CAMK1D: variants seen among roughly 807,000 people sequenced by gnomAD.
The protein encoded by CAMK1D is calcium/calmodulin-dependent protein kinase type 1D.
A neutral mutation model predicts 47.7 loss-of-function variants in CAMK1D; 9 were observed. That is an observed-to-expected ratio of 0.19 (90% CI 0.11 to 0.33). The LOEUF (loss-of-function observed/expected upper bound fraction) is 0.33, where lower values mean the gene tolerates loss of function less well. Among genes scored for constraint, CAMK1D ranks in the 10% least tolerant of loss-of-function variants. The pLI is 1.00. For synonymous variants in CAMK1D, 184 were observed against 184.9 expected, an observed-to-expected ratio of 0.99 and a Z score of 0.04; for missense variants, 291 against 488.7, an observed-to-expected ratio of 0.60 and a Z score of 3.81.
chr10:12,636,205 C>T (rs1241536225), intron 2 of CAMK1D, among the ~76,000 whole-genome samples: 6 of 152,158 alleles, frequency 3.9e-5, no homozygotes, highest in African/African-American at 9.7e-5. Flanking sequence ...GTTTCTCTTG[C>T]TAGCAGGTAT....
intron 1 of CAMK1D, among the ~76,000 whole-genome samples, chr10:12,479,532 G>T (rs1451893458): frequency 6.6e-6 from 1 of 152,174 alleles, no homozygotes; most frequent in Non-Finnish European, 1.5e-5. Context: ...CAGCAGTGCT[G>T]CTGCTGCCGC....
rs141253691 is a variant in CAMK1D at position 12,827,921 on chromosome 10, C to A, written c.1040-848C>A. 6.6e-5 allele frequency among the ~76,000 whole-genome samples: 10 copies of A among 152,262 alleles called. No individual in the cohort carries two copies. The East Asian group carries it at 1.5e-3, about 24-fold the overall frequency. Reference sequence around the variant, plus strand: ...CTGGAACTCCTGAGACTCAAGCGATCCACCCACCTTGGCCTCCCAAAGTGT... The same window carrying A: ...CTGGAACTCCTGAGACTCAAGCGATACACCCACCTTGGCCTCCCAAAGTGT... On this transcript the variant is annotated intron_variant, in intron 10 of 10. Coordinates refer to ENST00000619168, the MANE Select transcript of CAMK1D (RefSeq NM_153498.4).
intron 2 of CAMK1D, among the ~76,000 whole-genome samples, chr10:12,596,118 G>C (rs933543368): frequency 6.6e-6 from 1 of 152,100 alleles, no homozygotes; most frequent in Non-Finnish European, 1.5e-5. Flanking sequence ...GACCCAAGAA[G>C]GGAAAGCAGG....
chr10:12,767,579 A>G (rs1836826332), intron 4 of CAMK1D, among the ~76,000 whole-genome samples: 1 of 152,172 alleles, frequency 6.6e-6, no homozygotes, highest in African/African-American at 2.4e-5. Context: ...TGGTCAGGGC[A>G]CAGCTTGGTT....
chr10:12,670,241 A>C (rs572143169), intron 3 of CAMK1D, among the ~76,000 whole-genome samples: 1 of 149,396 alleles, frequency 6.7e-6, no homozygotes, highest in South Asian at 2.1e-4. Context: ...GTGATATCAC[A>C]GGGTGGTTTT....
intron 6 of CAMK1D, among the ~76,000 whole-genome samples, chr10:12,792,662 T>G (rs1439347082): frequency 6.6e-6 from 1 of 152,234 alleles, no homozygotes; most frequent in Non-Finnish European, 1.5e-5. Context: ...TCAGCTGGGC[T>G]GCATTTGTAG....
intron 2 of CAMK1D, among the ~76,000 whole-genome samples, chr10:12,628,088 A>T (rs1839274804): frequency 7.3e-6 from 1 of 137,332 alleles, no homozygotes; most frequent in Non-Finnish European, 1.7e-5. Context: ...CTCAAAAAAA[A>T]ACAAAAAACA....
At chr10:12,734,385 G>GATATATAT (rs1446142372) in intron 3 of CAMK1D, among the ~76,000 whole-genome samples, 1 of 46,994 alleles carries the variant, frequency 2.1e-5, no homozygotes, top group South Asian at 7.6e-4. Flanking sequence ...TATAGATATA[G>GATATATAT]ATATAGATAT....
At chr10:12,461,307 G>T (rs1833414959) in intron 1 of CAMK1D, among the ~76,000 whole-genome samples, 1 of 152,188 alleles carries the variant, frequency 6.6e-6, no homozygotes, top group Non-Finnish European at 1.5e-5. Context: ...TAAGAATAGG[G>T]TAGCAAAAGT....
chr10:12,759,030 T>C (rs901393543), intron 3 of CAMK1D, among the ~76,000 whole-genome samples: 1 of 152,062 alleles, frequency 6.6e-6, no homozygotes, highest in South Asian at 2.1e-4. Context: ...CCAGGAAATG[T>C]TGAGTGAGTA....
At chr10:12,641,210 C>T (rs1839656002) in intron 2 of CAMK1D, among the ~76,000 whole-genome samples, 1 of 152,170 alleles carries the variant, frequency 6.6e-6, no homozygotes, top group South Asian at 2.1e-4. Context: ...GTCAGGTGAT[C>T]CACCTGCCTT....
intron 3 of CAMK1D, among the ~76,000 whole-genome samples, chr10:12,743,366 AG>A (rs10578323): frequency 2.0e-5 from 3 of 151,064 alleles, no homozygotes; most frequent in African/African-American, 7.3e-5. Context: ...AAAAGAAAAA[AG>A]AAAAAAAGAA....
chr10:12,444,821 T>G (rs1454275420), intron 1 of CAMK1D, among the ~76,000 whole-genome samples: 1 of 151,944 alleles, frequency 6.6e-6, no homozygotes, highest in Non-Finnish European at 1.5e-5. Context: ...AGACCAAGGT[T>G]TTTATTATGC....
chr10:12,437,026 C>G (rs1030621682), intron 1 of CAMK1D, among the ~76,000 whole-genome samples: 2 of 152,072 alleles, frequency 1.3e-5, no homozygotes, highest in African/African-American at 4.8e-5. Context: ...GGTGGGCACA[C>G]AGGGCAAGCT....
At chr10:12,817,256 T>C (rs1296966789) in intron 8 of CAMK1D, among the ~76,000 whole-genome samples, 2 of 152,240 alleles carry the variant, frequency 1.3e-5, no homozygotes, top group African/African-American at 2.4e-5. Context: ...TTGCATTTCA[T>C]AGAAAGTCTT....
At position 12,616,086 on chromosome 10, in the gene CAMK1D, G is replaced by C. The variant is rs1477266608; in HGVS notation, c.225-50650G>C. 5.9e-5 allele frequency among the ~76,000 whole-genome samples: 9 copies of C among 151,612 alleles called. No homozygotes were observed. The East Asian group carries it at 1.7e-3, about 29-fold the overall frequency. The stretch of plus-strand genomic sequence containing the variant: ...GATAGGCGTGTTTGTGCGTGTATTG[G>C]TGTGTATAGGTGTGAGCGTGTGTGT... On this transcript the variant is annotated intron_variant, in intron 2 of 10. Transcript: ENST00000619168.
At chr10:12,555,570 G>A (rs1441995330) in intron 2 of CAMK1D, among the ~76,000 whole-genome samples, 2 of 152,200 alleles carry the variant, frequency 1.3e-5, no homozygotes, top group African/African-American at 2.4e-5. Context: ...AGGAAAACAC[G>A]ATGTTAATGA....
At chr10:12,487,211 C>G (rs943774688) in intron 1 of CAMK1D, among the ~76,000 whole-genome samples, 1 of 152,132 alleles carries the variant, frequency 6.6e-6, no homozygotes, top group Non-Finnish European at 1.5e-5. Context: ...AGCTGTCCCT[C>G]GCATTATGTT....
chr10:12,504,452 C>T (rs889190328), intron 1 of CAMK1D, among the ~76,000 whole-genome samples: 8 of 152,144 alleles, frequency 5.3e-5, no homozygotes, highest in African/African-American at 1.9e-4. Context: ...AAAGTGAAGT[C>T]GCCCACCCTT....
Sources: gnomAD v4.1 joint callset for allele counts (sites outside exome capture counted in the v4.1 genomes callset) on GRCh38, gnomAD v4.1.1 for gene constraint, MANE v1.5 for transcripts, NCBI Gene and HGNC (gene_info 2026-07-23, HGNC 2026-07-21) for gene names.